Variants in PDGFC observed in about 807,000 individuals in gnomAD.
PDGFC encodes platelet-derived growth factor C.
In PDGFC, 12 loss-of-function variants were observed where a neutral mutation model predicts 35.5. That is an observed-to-expected ratio of 0.34 (90% CI 0.22 to 0.55). The LOEUF is 0.55. Among genes scored for constraint, PDGFC ranks in the 20% least tolerant of loss-of-function variants. The pLI is 0.91. For missense variants in PDGFC, 322 were observed against 412.4 expected, an observed-to-expected ratio of 0.78 and a Z score of 1.90; for synonymous variants, 159 against 148.8, an observed-to-expected ratio of 1.07 and a Z score of -0.50.
intron 1 of PDGFC, among the ~76,000 whole-genome samples, chr4:156,905,170 T>C (rs960255643): frequency 3.3e-5 from 5 of 152,058 alleles, no homozygotes; most frequent in African/African-American, 9.7e-5. Flanking sequence ...GAGAAATAAA[T>C]ACTAATTTCA....
chr4:156,811,732 CAT>C (rs1365224448), intron 2 of PDGFC, among the ~76,000 whole-genome samples: 3 of 152,032 alleles, frequency 2.0e-5, no homozygotes, highest in Non-Finnish European at 4.4e-5. Flanking sequence ...GTTTTAAACA[CAT>C]GTCAACTTTT....
intron 1 of PDGFC, among the ~76,000 whole-genome samples, chr4:156,859,742 A>C (rs1484400549): frequency 6.6e-6 from 1 of 152,162 alleles, no homozygotes; most frequent in Non-Finnish European, 1.5e-5. Context: ...AAAACCATAA[A>C]TTAATAAGAA....
intron 1 of PDGFC, among the ~76,000 whole-genome samples, chr4:156,869,016 T>C (rs1250662991): frequency 6.6e-6 from 1 of 151,878 alleles, no homozygotes; most frequent in African/African-American, 2.4e-5. Flanking sequence ...CTCCTCTACA[T>C]TAGTTTCTAA....
At chr4:156,788,254 C>T (rs182661836) in intron 3 of PDGFC, among the ~76,000 whole-genome samples, 16 of 152,022 alleles carry the variant, frequency 1.1e-4, no homozygotes, top group Admixed American at 6.5e-4. Flanking sequence ...AAGACAAATA[C>T]ACAGGAAAGC....
chr4:156,820,605 G>T (rs555306062), intron 2 of PDGFC, among the ~76,000 whole-genome samples: 3 of 152,224 alleles, frequency 2.0e-5, no homozygotes, highest in Middle Eastern at 3.4e-3. Context: ...CAGTGATCTG[G>T]TACCTAACCA....
At chr4:156,966,107 A>G (rs994262261) in intron 1 of PDGFC, among the ~76,000 whole-genome samples, 1 of 152,204 alleles carries the variant, frequency 6.6e-6, no homozygotes, top group Non-Finnish European at 1.5e-5. Flanking sequence ...TGCATACTAA[A>G]TGATTATCAA....
chr4:156,859,298 A>T (rs550764271), intron 1 of PDGFC, among the ~76,000 whole-genome samples: 28 of 152,238 alleles, frequency 1.8e-4, no homozygotes, highest in Admixed American at 1.7e-3. Flanking sequence ...GTGAATGTAT[A>T]TAATGTATAC....
chr4:156,859,755 C>T (rs1229706986), intron 1 of PDGFC, among the ~76,000 whole-genome samples: 1 of 151,932 alleles, frequency 6.6e-6, no homozygotes, highest in Non-Finnish European at 1.5e-5. Flanking sequence ...AATAAGAAAG[C>T]TTGGATAGTT....
chr4:156,855,480 C>T (rs1287966161), intron 1 of PDGFC, among the ~76,000 whole-genome samples: 8 of 152,196 alleles, frequency 5.3e-5, no homozygotes, highest in Non-Finnish European at 1.2e-4. Flanking sequence ...TTCTGCTCCT[C>T]TGTTTCATGT....
At chr4:156,807,786 CTT>C (rs1731810124) in intron 3 of PDGFC, among the ~76,000 whole-genome samples, 1 of 151,948 alleles carries the variant, frequency 6.6e-6, no homozygotes, top group South Asian at 2.1e-4. Flanking sequence ...TTAAAATAAA[CTT>C]AACCCATAAT....
Position 156,767,857 on chromosome 4 carries a change from G to A in PDGFC, c.837C>T (p.Arg279=). ...GACAACAGGCACAGTTCCCACCACA[G>A]CGTTTAACCAGGAGACAACCTGGCC... ...IFWPGCLLVK[R]CGGNCACCLH... Residue 279 remains arginine, a synonymous_variant, in exon 5 of 6, where the codon CGC becomes CGT. Coordinates refer to ENST00000502773, the MANE Select transcript of PDGFC (RefSeq NM_016205.3). The A allele has an allele frequency of 6.2e-7, 1 of 1,613,398 alleles. No individual in the cohort carries two copies. The highest frequency in any genetic ancestry group is 1.1e-5 in the South Asian group (1 of 91,064).
intron 3 of PDGFC, among the ~76,000 whole-genome samples, chr4:156,803,494 T>C (rs6536207): frequency 0.45 from 68,324 of 151,918 alleles, 17,939 homozygotes; most frequent in African/African-American, 0.73. Flanking sequence ...AAGATGGCTT[T>C]ATCTTCCAGT....
chr4:156,790,429 CT>C (rs1334735151), intron 3 of PDGFC, among the ~76,000 whole-genome samples: 1 of 152,176 alleles, frequency 6.6e-6, no homozygotes, highest in East Asian at 1.9e-4. Context: ...ACAATGAATT[CT>C]TATATTTTAT....
chr4:156,930,039 C>T (rs1434193180), intron 1 of PDGFC, among the ~76,000 whole-genome samples: 1 of 152,174 alleles, frequency 6.6e-6, no homozygotes, highest in Admixed American at 6.5e-5. Flanking sequence ...GGTTGACTAA[C>T]TGGATTGATT....
intron 2 of PDGFC, among the ~76,000 whole-genome samples, chr4:156,845,392 AT>A (rs2111067759): frequency 6.6e-6 from 1 of 151,868 alleles, no homozygotes; most frequent in Admixed American, 6.6e-5. Context: ...AAATATATAT[AT>A]ATACAGAGAG....
intron 3 of PDGFC, among the ~76,000 whole-genome samples, chr4:156,788,881 C>T (rs1303467919): frequency 6.6e-6 from 1 of 152,108 alleles, no homozygotes; most frequent in African/African-American, 2.4e-5. Flanking sequence ...TAATTATATA[C>T]AAGTACTAGG....
At chr4:156,959,513 C>T (rs185857699) in intron 1 of PDGFC, among the ~76,000 whole-genome samples, 262 of 152,092 alleles carry the variant, frequency 1.7e-3, no homozygotes, top group African/African-American at 6.0e-3. Context: ...GTTAAACAAG[C>T]CTTCCTTAGA....
chr4:156,864,916 C>T (rs1203459465), intron 1 of PDGFC, among the ~76,000 whole-genome samples: 1 of 152,056 alleles, frequency 6.6e-6, no homozygotes, highest in Non-Finnish European at 1.5e-5. Context: ...TCCTTTTAAA[C>T]CAATGGCTTG....
chr4:156,922,364 G>A (rs921970717), intron 1 of PDGFC, among the ~76,000 whole-genome samples: 1 of 152,152 alleles, frequency 6.6e-6, no homozygotes, highest in Non-Finnish European at 1.5e-5. Context: ...CATATGCTAA[G>A]TACTATAGCA....
Sources: allele counts gnomAD v4.1 joint callset (sites outside exome capture counted in the v4.1 genomes callset), GRCh38; gene constraint gnomAD v4.1.1; transcripts MANE v1.5; gene names NCBI Gene and HGNC (gene_info 2026-07-23, HGNC 2026-07-21).